Variants in NRXN3 observed in about 807,000 individuals in gnomAD.
The protein encoded by NRXN3 is neurexin III.
Under a neutral mutation model 137.6 loss-of-function variants are expected in NRXN3, and 32 were observed. The ratio of observed to expected loss-of-function variants is 0.23; its 90% confidence interval spans 0.18 to 0.31. The LOEUF (loss-of-function observed/expected upper bound fraction) is 0.31. NRXN3 is among the 10% of genes least tolerant of loss of function. The pLI, the probability that NRXN3 is intolerant of heterozygous loss-of-function variation, is 1.00. For missense variants in NRXN3, 1,574 were observed against 2,062.5 expected (o/e 0.76, Z 4.59); for synonymous variants, 798 against 784.5 (o/e 1.02, Z -0.29).
intron 1 of NRXN3, among the ~76,000 whole-genome samples, chr14:78,208,859 A>G (rs73322254): frequency 0.017 from 2,552 of 152,280 alleles, 55 homozygotes; most frequent in African/African-American, 0.057. Context: ...TACAGCCATT[A>G]TGTGCTATTT....
intron 15 of NRXN3, among the ~76,000 whole-genome samples, chr14:79,334,380 A>G (rs2092069452): frequency 6.6e-6 from 1 of 152,194 alleles, no homozygotes; most frequent in South Asian, 2.1e-4. Flanking sequence ...CAAAGCAACA[A>G]GATGTAAGGA....
At chr14:78,720,564 A>G (rs555640944) in intron 8 of NRXN3, among the ~76,000 whole-genome samples, 2 of 151,838 alleles carry the variant, frequency 1.3e-5, no homozygotes, top group South Asian at 4.2e-4. Flanking sequence ...ATTTTCTTTT[A>G]TTTTTGTCCT....
chr14:78,457,094 G>A (rs933269191), intron 4 of NRXN3, among the ~76,000 whole-genome samples: 2 of 145,026 alleles, frequency 1.4e-5, no homozygotes, highest in Admixed American at 7.0e-5. Context: ...GCTGGAGTGC[G>A]GTGGTTCAAT....
At chr14:78,803,871 T>G (rs2098846944) in intron 9 of NRXN3, 48 bp downstream of exon 9, 1 of 1,524,934 alleles carries the variant, frequency 6.6e-7, no homozygotes, top group Non-Finnish European at 9.0e-7. Context: ...TTGTCTTCCC[T>G]TTCTTTTCTG....
chr14:78,351,880 A>T (rs1306792753), intron 4 of NRXN3, among the ~76,000 whole-genome samples: 1 of 147,588 alleles, frequency 6.8e-6, no homozygotes, highest in Non-Finnish European at 1.5e-5. Context: ...ATGCCTTATT[A>T]AAAAAAATCT....
intron 8 of NRXN3, among the ~76,000 whole-genome samples, chr14:78,740,854 C>A (rs2098565421): frequency 6.6e-6 from 1 of 151,666 alleles, no homozygotes; most frequent in African/African-American, 2.4e-5. Context: ...TTGGTTAGCT[C>A]TGATATTTTA....
chr14:79,072,249 C>G (rs1034705818), intron 15 of NRXN3: 4 of 152,152 alleles, frequency 2.6e-5, no homozygotes, highest in African/African-American at 9.7e-5. Flanking sequence ...CATAACATAG[C>G]TACCAATATA....
chr14:78,297,930 G>T, intron 4 of NRXN3, 70 bp downstream of exon 4: 1 of 1,524,676 alleles, frequency 6.6e-7, no homozygotes, highest in Non-Finnish European at 8.8e-7. Context: ...GCTGGTCACA[G>T]AGCCTCATCG....
chr14:79,764,163 G>GGT (rs869070916), intron 19 of NRXN3, among the ~76,000 whole-genome samples: 1 of 80,096 alleles, frequency 1.2e-5, no homozygotes, highest in African/African-American at 3.7e-5. Flanking sequence ...TCTTTTGGTG[G>GGT]GTGGGGGGGG....
chr14:78,438,348 G>T (rs1003179976), intron 4 of NRXN3, among the ~76,000 whole-genome samples: 3 of 152,112 alleles, frequency 2.0e-5, no homozygotes, highest in African/African-American at 7.2e-5. Flanking sequence ...ATAAAGTTTG[G>T]TGTCCTGTCA....
At chr14:79,101,725 A>T (rs1008499349) in intron 15 of NRXN3, among the ~76,000 whole-genome samples, 2 of 152,216 alleles carry the variant, frequency 1.3e-5, no homozygotes, top group African/African-American at 4.8e-5. Flanking sequence ...ATGTCAAAGA[A>T]GTCCTAATCC....
chr14:79,423,672 C>T, intron 15 of NRXN3, among the ~76,000 whole-genome samples: 1 of 152,192 alleles, frequency 6.6e-6, no homozygotes, highest in East Asian at 1.9e-4. Flanking sequence ...CGGTTGCTCT[C>T]ATCGCCTCAC....
At chr14:79,657,277 C>G (rs1046807421) in intron 16 of NRXN3, among the ~76,000 whole-genome samples, 1 of 152,146 alleles carries the variant, frequency 6.6e-6, no homozygotes, top group Non-Finnish European at 1.5e-5. Flanking sequence ...AGTCCCAATT[C>G]TTTTGATTCT....
At chr14:79,625,796 G>A (rs1463363862) in intron 16 of NRXN3, among the ~76,000 whole-genome samples, 1 of 152,090 alleles carries the variant, frequency 6.6e-6, no homozygotes, top group African/African-American at 2.4e-5. Context: ...ATCTGTAAAG[G>A]ACACTGTTGT....
rs1320400083 is a variant in NRXN3 at position 78,715,122 on chromosome 14, G to C, written c.2027G>C (p.Gly676Ala). ...GACTGCACCGGCACCGGATACTGGGGAAGAACCTGCGAAAGGGGTGAGTCG... is the reference window on the plus strand; with the variant it reads ...GACTGCACCGGCACCGGATACTGGGCAAGAACCTGCGAAAGGGGTGAGTCG... ...ICDCTGTGYW[G>A]RTCEREASIL... Residue 676 changes from glycine to alanine, a missense_variant, in exon 8 of 21, where the codon GGA (glycine) becomes GCA (alanine). Transcript: ENST00000335750. 6.2e-7 allele frequency: 1 copy of C among 1,608,656 alleles called. No homozygotes were observed. The highest frequency in any genetic ancestry group is 1.7e-5 in the Admixed American group (1 of 59,980).
chr14:79,417,972 A>G (rs1484783407), intron 15 of NRXN3, among the ~76,000 whole-genome samples: 39 of 152,034 alleles, frequency 2.6e-4, no homozygotes, highest in Admixed American at 2.6e-3. Flanking sequence ...GGAAAAAAAA[A>G]AAGAAGAAGA....
rs1461263516 is a variant in NRXN3 at position 78,297,876 on chromosome 14, T to C, written c.757+16T>C. On this transcript the variant is annotated intron_variant, in intron 4 of 20. Transcript: ENST00000335750. The stretch of plus-strand genomic sequence containing the variant: ...AGTGAACAAGGTAGGTGCTTTGTGC[T>C]TGTGGTCCTGCAGCTGCCTGAACTG... 23 of 1,536,290 alleles carry C rather than the reference T, an allele frequency of 1.5e-5. No individual in the cohort carries two copies. Among genetic ancestry groups the C allele is most frequent in the East Asian group, 2.4e-5 (1 of 40,910 alleles).
chr14:78,808,920 T>C (rs767453814), intron 9 of NRXN3, among the ~76,000 whole-genome samples: 3 of 152,072 alleles, frequency 2.0e-5, no homozygotes, highest in Non-Finnish European at 4.4e-5. Context: ...AAGAGTACTT[T>C]GTGACTATAT....
At chr14:79,710,853 T>TAAAG (rs549697943) in intron 19 of NRXN3, among the ~76,000 whole-genome samples, 2 of 152,268 alleles carry the variant, frequency 1.3e-5, no homozygotes, top group South Asian at 2.1e-4. Flanking sequence ...TTTGGAGAAA[T>TAAAG]AAAGAATGAA....
Sources: gnomAD v4.1 joint callset for allele counts (sites outside exome capture counted in the v4.1 genomes callset) on GRCh38, gnomAD v4.1.1 for gene constraint, MANE v1.5 for transcripts, NCBI Gene and HGNC (gene_info 2026-07-23, HGNC 2026-07-21) for gene names.